SULT2B1: variants seen among roughly 807,000 people sequenced by gnomAD.
SULT2B1 encodes sulfotransferase 2B1.
Under a neutral mutation model 33.2 loss-of-function variants are expected in SULT2B1, and 16 were observed. The ratio of observed to expected loss-of-function variants is 0.48; its 90% confidence interval spans 0.33 to 0.73. SULT2B1 has a LOEUF of 0.73. Ranked by LOEUF, SULT2B1 falls within the 30% of genes least tolerant of loss-of-function variation. SULT2B1 has a pLI of 0.02. For synonymous variants in SULT2B1, 186 were observed against 200.5 expected (o/e 0.93, Z 0.61); for missense variants, 500 against 506.0 (o/e 0.99, Z 0.11).
At chr19:48,598,772 GGGAGGTTTGGGACTGGTCGCAGA>G in intron 6 of SULT2B1, among the ~76,000 whole-genome samples, 1 of 152,194 alleles carries the variant, frequency 6.6e-6, no homozygotes, top group African/African-American at 2.4e-5. Context: ...GTTCTAGCAG[GGGAGGTTTGGGACTGGTCGCAGA>G]GGAGGTGACA....
chr19:48,587,494 G>T, intron 3 of SULT2B1, 57 bp downstream of exon 3: 3 of 1,575,518 alleles, frequency 1.9e-6, no homozygotes, highest in South Asian at 2.2e-5. Flanking sequence ...ATGGGGTAAT[G>T]GGGGGACGGA....
intron 2 of SULT2B1, among the ~76,000 whole-genome samples, chr19:48,582,711 T>C (rs56302684): frequency 0.22 from 33,790 of 151,452 alleles, 4,897 homozygotes; most frequent in African/African-American, 0.42. Flanking sequence ...GGCATGGTGG[T>C]GCGCGCCTGT....
In SULT2B1 at chr19:48,561,724, G is replaced by A. The variant is rs527454230; in HGVS notation, c.71+9401G>A. ...CTGCGGTGAGACTGTCAGGCTTCAA[G>A]GGACAGAGCCAGGGACCTCGAACCT... On this transcript the variant is annotated intron_variant, in intron 1 of 6. Transcript: ENST00000201586. Among the ~76,000 whole-genome samples the A allele has an allele frequency of 3.9e-5, 6 of 152,232 alleles. No homozygotes were observed. The South Asian group carries it at 1.2e-3, about 32-fold the overall frequency.
At chr19:48,553,262 G>C (rs981019502) in intron 1 of SULT2B1, among the ~76,000 whole-genome samples, 12 of 152,166 alleles carry the variant, frequency 7.9e-5, no homozygotes, top group Non-Finnish European at 1.8e-4. Flanking sequence ...TGAGGAGGGA[G>C]ACAACCAAGA....
At chr19:48,564,379 C>G (rs1377715383) in intron 1 of SULT2B1, among the ~76,000 whole-genome samples, 4 of 150,870 alleles carry the variant, frequency 2.7e-5, no homozygotes, top group Admixed American at 2.0e-4. Flanking sequence ...CGGTGAAACC[C>G]TGTCTCTACT....
At chr19:48,570,015 C>T (rs1033560504) in intron 1 of SULT2B1, among the ~76,000 whole-genome samples, 1 of 152,074 alleles carries the variant, frequency 6.6e-6, no homozygotes, top group Non-Finnish European at 1.5e-5. Context: ...AACACAGTCT[C>T]AGATTTCAAG....
intron 6 of SULT2B1, among the ~76,000 whole-genome samples, chr19:48,597,845 G>T (rs1362910681): frequency 6.8e-6 from 1 of 146,604 alleles, no homozygotes; most frequent in Admixed American, 6.9e-5. Flanking sequence ...GGTTTTCACC[G>T]TGTTAGCCAG....
At chr19:48,563,223 CG>C (rs59496750) in intron 1 of SULT2B1, among the ~76,000 whole-genome samples, 8,982 of 152,152 alleles carry the variant, frequency 0.059, 279 homozygotes, top group Middle Eastern at 0.13. Flanking sequence ...AGCCTCCTAT[CG>C]GATCTTAAAA....
At chr19:48,592,946 G>A (rs564814073) in intron 5 of SULT2B1, 130 bp downstream of exon 5, 10 of 765,426 alleles carry the variant, frequency 1.3e-5, no homozygotes, top group African/African-American at 1.0e-4. Flanking sequence ...TGGGGATACT[G>A]CAGGAACAGA....
intron 2 of SULT2B1, among the ~76,000 whole-genome samples, chr19:48,585,223 A>C (rs913028972): frequency 3.3e-5 from 5 of 152,066 alleles, no homozygotes; most frequent in Non-Finnish European, 5.9e-5. Context: ...AAAAGAATTA[A>C]ATGCAATGAA....
Position 48,576,045 on chromosome 19 carries a change from G to A in SULT2B1, c.176G>A (p.Arg59Gln), listed in dbSNP as rs763833757. 2.5e-6 allele frequency: 4 copies of A among 1,613,572 alleles called. No homozygotes were observed. Among genetic ancestry groups the A allele is most frequent in the East Asian group, 2.2e-5 (1 of 44,860 alleles). ...ISLAENTQDV[R>Q]DDDIFIITYP... ...TTGGCGGAGAACACCCAAGATGTGCGGGACGACGACATCTTTATCATCACC... is the reference window on the plus strand; with the variant it reads ...TTGGCGGAGAACACCCAAGATGTGCAGGACGACGACATCTTTATCATCACC... The change falls in exon 2 of 7, where the codon CGG becomes CAG. Residue 59 changes from arginine (R) to glutamine (Q), a missense_variant. Coordinates refer to ENST00000201586, the MANE Select transcript of SULT2B1 (RefSeq NM_177973.2).
At chr19:48,557,447 G>A (rs574418181) in intron 1 of SULT2B1, among the ~76,000 whole-genome samples, 6 of 152,172 alleles carry the variant, frequency 3.9e-5, no homozygotes, top group South Asian at 4.2e-4. Flanking sequence ...GGCTGAGGCA[G>A]GAGAGTTGCT....
chr19:48,565,243 G>A (rs1431152480), intron 1 of SULT2B1, among the ~76,000 whole-genome samples: 2 of 151,932 alleles, frequency 1.3e-5, no homozygotes, highest in Admixed American at 6.6e-5. Flanking sequence ...TACTTTTGAT[G>A]CATTTCAAAG....
intron 2 of SULT2B1, among the ~76,000 whole-genome samples, chr19:48,578,238 A>G (rs1039804529): frequency 1.3e-5 from 2 of 152,048 alleles, no homozygotes; most frequent in African/African-American, 4.8e-5. Context: ...GTACAATTCA[A>G]TGACTTTGCC....
intron 2 of SULT2B1, among the ~76,000 whole-genome samples, chr19:48,585,630 T>C (rs1973550889): frequency 6.6e-6 from 1 of 150,400 alleles, no homozygotes; most frequent in East Asian, 2.0e-4. Context: ...GATCGCGCCA[T>C]TGCACTCCAG....
chr19:48,587,118 A>AT (rs549779438), intron 2 of SULT2B1, 111 bp from the exon 3 acceptor site: 13,845 of 841,528 alleles, frequency 0.016, 174 homozygotes, highest in Non-Finnish European at 0.019. Flanking sequence ...TCTTAAAAAA[A>AT]AATAATAAAA....
At chr19:48,591,558 G>T in intron 3 of SULT2B1, 51 bp from the exon 4 acceptor site, 1 of 1,577,768 alleles carries the variant, frequency 6.3e-7, no homozygotes, top group Non-Finnish European at 8.6e-7. Context: ...AGGGGCTGGG[G>T]TCTTGCCTGT....
At chr19:48,561,584 C>T (rs1973181727) in intron 1 of SULT2B1, among the ~76,000 whole-genome samples, 8 of 152,008 alleles carry the variant, frequency 5.3e-5, no homozygotes, top group Admixed American at 5.2e-4. Context: ...AGGCGTCGTG[C>T]AGGGTGCGGT....
chr19:48,596,935 G>C lies in SULT2B1; in HGVS notation c.826+16G>C. 2 of 1,565,238 alleles carry C rather than the reference G, an allele frequency of 1.3e-6. No homozygotes were observed. The highest frequency in any genetic ancestry group is 1.7e-6 in the Non-Finnish European group (2 of 1,161,718). Reference sequence around the variant, plus strand: ...CTCCGGAAAGGTGCGGGGGTTCTGGGGTTCAGAGCCCACTAGGCCACTGCC... The same window carrying C: ...CTCCGGAAAGGTGCGGGGGTTCTGGCGTTCAGAGCCCACTAGGCCACTGCC... On this transcript the variant is annotated intron_variant, in intron 6 of 6. Coordinates refer to ENST00000201586, the MANE Select transcript of SULT2B1 (RefSeq NM_177973.2).
Sources: allele counts gnomAD v4.1 joint callset (sites outside exome capture counted in the v4.1 genomes callset), GRCh38; gene constraint gnomAD v4.1.1; transcripts MANE v1.5; gene names NCBI Gene and HGNC (gene_info 2026-07-23, HGNC 2026-07-21).